MYO1D: variants seen among roughly 807,000 people sequenced by gnomAD.
MYO1D encodes the protein unconventional myosin-Id.
A neutral mutation model predicts 122.0 loss-of-function variants in MYO1D; 83 were observed. The observed-to-expected ratio is 0.68, with a 90% CI of 0.57 to 0.82. The LOEUF is 0.82. MYO1D is among the 40% of genes least tolerant of loss of function. The pLI is 0.00. For missense variants in MYO1D, 1,157 were observed against 1,269.5 expected (o/e 0.91, Z 1.35); for synonymous variants, 464 against 446.9 (o/e 1.04, Z -0.48).
intron 21 of MYO1D, among the ~76,000 whole-genome samples, chr17:32,589,572 C>T (rs1164007995): frequency 6.6e-6 from 1 of 152,130 alleles, no homozygotes; most frequent in Non-Finnish European, 1.5e-5. Flanking sequence ...GATTACTGGA[C>T]AGACCAAACA....
chr17:32,682,556 T>C (rs8081894), intron 16 of MYO1D, among the ~76,000 whole-genome samples: 15,426 of 149,992 alleles, frequency 0.1, 2,585 homozygotes, highest in African/African-American at 0.35. Flanking sequence ...AAATTCTTTT[T>C]TTTAAGAATG....
At chr17:32,618,235 G>A (rs2087802380) in intron 20 of MYO1D, among the ~76,000 whole-genome samples, 1 of 152,170 alleles carries the variant, frequency 6.6e-6, no homozygotes, top group South Asian at 2.1e-4. Flanking sequence ...TGCTTGTTGT[G>A]AGCCTAGTAC....
At chr17:32,495,353 G>T (rs1287470297) in intron 21 of MYO1D, among the ~76,000 whole-genome samples, 4 of 152,360 alleles carry the variant, frequency 2.6e-5, no homozygotes, top group Non-Finnish European at 5.9e-5. Context: ...GTCCCTGCCT[G>T]TCACACCCCG....
At chr17:32,694,707 CAAAAAAAA>C (rs58606294) in intron 16 of MYO1D, among the ~76,000 whole-genome samples, 106 of 55,918 alleles carry the variant, frequency 1.9e-3, no homozygotes, top group African/African-American at 6.5e-3. Context: ...GACTCCGTCT[CAAAAAAAA>C]AAAAAAAAAA....
intron 1 of MYO1D, among the ~76,000 whole-genome samples, chr17:32,874,064 T>G (rs750535178): frequency 6.6e-6 from 1 of 152,112 alleles, no homozygotes; most frequent in Non-Finnish European, 1.5e-5. Context: ...CAGCCACGAG[T>G]CCACCTTTAC....
intron 1 of MYO1D, among the ~76,000 whole-genome samples, chr17:32,801,560 A>G (rs1353811175): frequency 2.0e-5 from 3 of 152,242 alleles, no homozygotes; most frequent in African/African-American, 7.2e-5. Context: ...ATGGGAGCCC[A>G]GGTTTCTTCC....
chr17:32,534,135 A>C (rs185676720), intron 21 of MYO1D, among the ~76,000 whole-genome samples: 2 of 152,130 alleles, frequency 1.3e-5, no homozygotes, highest in Non-Finnish European at 2.9e-5. Context: ...TTCCCCATCC[A>C]TATGCAATAA....
chr17:32,555,314 G>T (rs2150887002), intron 21 of MYO1D, among the ~76,000 whole-genome samples: 1 of 152,028 alleles, frequency 6.6e-6, no homozygotes, highest in East Asian at 1.9e-4. Context: ...CAGAATGTTT[G>T]CTCTATATTG....
intron 21 of MYO1D, among the ~76,000 whole-genome samples, chr17:32,523,975 A>C (rs1010144829): frequency 3.3e-5 from 5 of 152,210 alleles, no homozygotes; most frequent in Non-Finnish European, 7.3e-5. Flanking sequence ...GTGAAGATCA[A>C]AAGATAATGA....
At chr17:32,730,874 T>C (rs1260785771) in intron 14 of MYO1D, among the ~76,000 whole-genome samples, 1 of 152,006 alleles carries the variant, frequency 6.6e-6, no homozygotes, top group Non-Finnish European at 1.5e-5. Context: ...AAGATACATG[T>C]TTGACCACTT....
At chr17:32,520,016 A>T (rs1195053142) in intron 21 of MYO1D, among the ~76,000 whole-genome samples, 1 of 152,124 alleles carries the variant, frequency 6.6e-6, no homozygotes, top group Non-Finnish European at 1.5e-5. Flanking sequence ...ACTCAGGCCC[A>T]CAGGAGCCAT....
intron 1 of MYO1D, among the ~76,000 whole-genome samples, chr17:32,797,570 T>C (rs1241614420): frequency 6.6e-6 from 1 of 152,258 alleles, no homozygotes; most frequent in African/African-American, 2.4e-5. Context: ...ATTTTATTAT[T>C]GCTGTTAATC....
intron 19 of MYO1D, among the ~76,000 whole-genome samples, chr17:32,652,019 A>C (rs1164169954): frequency 1.3e-5 from 2 of 152,166 alleles, no homozygotes; most frequent in Non-Finnish European, 2.9e-5. Flanking sequence ...GTACATACAC[A>C]ATTGATTAAT....
chr17:32,510,006 T>C (rs1324258283), intron 21 of MYO1D: 1 of 152,188 alleles, frequency 6.6e-6, no homozygotes, highest in Non-Finnish European at 1.5e-5. Flanking sequence ...GTATTAAACA[T>C]TTTACATACT....
In MYO1D at chr17:32,722,249, T is replaced by G. The variant is rs185067505; in HGVS notation, c.1747-1060A>C. 3.9e-5 allele frequency among the ~76,000 whole-genome samples: 6 copies of G among 152,370 alleles called. No homozygotes were observed. The East Asian group carries it at 1.2e-3, about 29-fold the overall frequency. ...TGCCTTTTTCTAGGCCCTGCTGTAT[T>G]AGTTTCCTATTGCTGCTATAGCAGA... On this transcript the variant is annotated intron_variant, in intron 14 of 21. Coordinates refer to ENST00000318217, the MANE Select transcript of MYO1D (RefSeq NM_015194.3).
At chr17:32,531,045 G>T (rs1910494806) in intron 21 of MYO1D, among the ~76,000 whole-genome samples, 1 of 152,136 alleles carries the variant, frequency 6.6e-6, no homozygotes, top group Non-Finnish European at 1.5e-5. Flanking sequence ...GGGTGGTGCT[G>T]CCCAGCATAG....
rs181772188 is a variant in MYO1D, at chr17:32,721,650, T to C, written c.1747-461A>G. Among the ~76,000 whole-genome samples, 48 of 152,330 alleles carry C rather than the reference T, an allele frequency of 3.2e-4. 1 individual carries two copies. Among genetic ancestry groups the C allele is most frequent in the Middle Eastern group, 6.8e-3 (2 of 294 alleles). On this transcript the variant is annotated intron_variant, in intron 14 of 21. Transcript: ENST00000318217. Reference sequence around the variant, plus strand: ...GCTCTGGTATATAGTAAGTGCTCCTTAAGTGTCAGCCATCATTATTAATAT... The same window carrying C: ...GCTCTGGTATATAGTAAGTGCTCCTCAAGTGTCAGCCATCATTATTAATAT...
At chr17:32,772,338 G>GT (rs930354619) in intron 5 of MYO1D, among the ~76,000 whole-genome samples, 1 of 151,624 alleles carries the variant, frequency 6.6e-6, no homozygotes, top group Non-Finnish European at 1.5e-5. Context: ...AATCCAGATT[G>GT]TTTTTTTAAA....
At chr17:32,719,438 C>T (rs533924321) in intron 15 of MYO1D, among the ~76,000 whole-genome samples, 1 of 152,096 alleles carries the variant, frequency 6.6e-6, no homozygotes, top group African/African-American at 2.4e-5. Context: ...CAAGCTCCGC[C>T]TCCCAGGTTC....
Sources: allele counts gnomAD v4.1 joint callset (sites outside exome capture counted in the v4.1 genomes callset), GRCh38; gene constraint gnomAD v4.1.1; transcripts MANE v1.5; gene names NCBI Gene and HGNC (gene_info 2026-07-23, HGNC 2026-07-21).